ZNF514: variants seen among roughly 807,000 people sequenced by gnomAD.
The protein encoded by ZNF514 is zinc finger protein 514.
In ZNF514, 12 loss-of-function variants were observed where a neutral mutation model predicts 9.7. The observed-to-expected ratio is 1.24, with a 90% CI of 0.79 to 2.01. The LOEUF (loss-of-function observed/expected upper bound fraction) is 2.01. Ranked by LOEUF, ZNF514 falls within the 30% of genes most tolerant of loss-of-function variation. ZNF514 has a pLI of 0.00. For missense variants in ZNF514, 467 were observed against 465.5 expected (o/e 1.00, Z -0.03); for synonymous variants, 158 against 163.7 (o/e 0.97, Z 0.27).
chr2:95,127,394 A>G, the ZNF514 span, among the ~76,000 whole-genome samples: 1 of 152,146 alleles, frequency 6.6e-6, no homozygotes, highest in Non-Finnish European at 1.5e-5. Context: ...TTTTATTTCC[A>G]GAAACACCAA....
the ZNF514 span, among the ~76,000 whole-genome samples, chr2:95,125,121 C>G: frequency 6.6e-6 from 1 of 151,850 alleles, no homozygotes; most frequent in Non-Finnish European, 1.5e-5. Context: ...TCAAGCGATC[C>G]GCCCACCTCA....
At chr2:95,135,414 T>G in the ZNF514 span, among the ~76,000 whole-genome samples, 4 of 151,096 alleles carry the variant, frequency 2.6e-5, no homozygotes, top group African/African-American at 7.3e-5. Flanking sequence ...TCCTTCGTTC[T>G]TTCTTTTTTT....
chr2:95,144,083 C>A (rs909598591), downstream of ZNF514, among the ~76,000 whole-genome samples: 2 of 152,184 alleles, frequency 1.3e-5, no homozygotes, highest in Non-Finnish European at 2.9e-5. Flanking sequence ...CTGGTCAGGG[C>A]AGCGGTCCCA....
chr2:95,157,480 C>T (rs1321708134), intron 1 of ZNF514, 41 bp from the exon 2 acceptor site: 2 of 1,165,844 alleles, frequency 1.7e-6, no homozygotes, highest in African/African-American at 3.2e-5. Flanking sequence ...CTGACCCAGC[C>T]AGCACACACA....
downstream of ZNF514, among the ~76,000 whole-genome samples, chr2:95,143,411 A>G (rs1257346952): frequency 2.0e-5 from 3 of 152,168 alleles, no homozygotes; most frequent in African/African-American, 7.2e-5. Context: ...ACCTGAGGTC[A>G]GGAGTTCAAG....
chr2:95,151,699 CAG>C (rs1673550822), intron 4 of ZNF514, among the ~76,000 whole-genome samples: 1 of 152,194 alleles, frequency 6.6e-6, no homozygotes, highest in Non-Finnish European at 1.5e-5. Context: ...AGAGGCCAGT[CAG>C]AGAGTTTCTG....
At chr2:95,133,890 T>C in the ZNF514 span, among the ~76,000 whole-genome samples, 1 of 152,290 alleles carries the variant, frequency 6.6e-6, no homozygotes, top group South Asian at 2.1e-4. Context: ...CTTAACTGTA[T>C]CCATGTCAAT....
the ZNF514 span, among the ~76,000 whole-genome samples, chr2:95,124,030 C>T: frequency 6.6e-6 from 1 of 152,276 alleles, no homozygotes; most frequent in Admixed American, 6.5e-5. Flanking sequence ...GACATCGGTA[C>T]AATCCATAGA....
At chr2:95,140,587 C>T (rs770088765), downstream of ZNF514, among the ~76,000 whole-genome samples, 21 of 151,598 alleles carry the variant, frequency 1.4e-4, no homozygotes, top group Non-Finnish European at 4.4e-5. Flanking sequence ...CACTCCAACC[C>T]GGTTGACGGA....
rs1223096529 is a variant in ZNF514 at position 95,150,208 on chromosome 2, C to A, written c.277G>T (p.Glu93Ter). The change falls in exon 5 of 5, where the codon GAA (glutamate) becomes TAA (stop). Residue 93 changes from glutamate (E) to a stop codon, truncating the protein, a stop_gained. Transcript: ENST00000295208. LOFTEE classifies it low-confidence loss of function (END_TRUNC). ...TCCACTGATACTACCTGGAATAATT[C>A]TTCTTTGGAAATTCCCCAACTTGGC... The part of the protein sequence containing the change: ...SMPSWGISKE[E>*]LFQVVSVEKH... 1.9e-6 allele frequency: 3 copies of A among 1,589,370 alleles called. No individual in the cohort carries two copies. The South Asian group carries it at 3.3e-5, about 18-fold the overall frequency.
rs762567717 is a variant in ZNF514, at chr2:95,149,775, C to T, written c.710G>A (p.Cys237Tyr). 160 of 1,614,138 alleles carry T rather than the reference C, an allele frequency of 9.9e-5. No individual in the cohort carries two copies. The highest frequency in any genetic ancestry group is 1.3e-4 in the Non-Finnish European group (156 of 1,180,054). The change falls in exon 5 of 5, where the codon TGT becomes TAT. Residue 237 changes from cysteine (C) to tyrosine (Y), a missense_variant. Coordinates refer to ENST00000295208, the MANE Select transcript of ZNF514 (RefSeq NM_032788.3). The part of the protein sequence containing the change: ...TGEKPYECSD[C>Y]GRAFGHISSL... The stretch of plus-strand genomic sequence containing the variant: ...TGAAATATGACCAAAGGCTCTTCCA[C>T]AGTCACTGCATTCATACGGCTTTTC...
chr2:95,159,277 C>CGG lies in ZNF514; in HGVS notation c.-134_-133insCC. 6.1e-6 allele frequency: 1 copy of CGG among 164,418 alleles called. No individual in the cohort carries two copies. Among genetic ancestry groups the CGG allele is most frequent in the Non-Finnish European group, 1.3e-5 (1 of 75,722 alleles). The allele number at this position is 164,418 out of a possible 1,614,324, so 10.2% of individuals were successfully genotyped here. On this transcript the variant is annotated 5_prime_UTR_variant, in exon 1 of 5. Transcript: ENST00000295208. Reference sequence around the variant, plus strand: ...TCCTCCTCAGGACCAGGCTCTGGAACCCAGCTCCCACGTGGATCCACACGC... The same window carrying CGG: ...TCCTCCTCAGGACCAGGCTCTGGAACGGCCAGCTCCCACGTGGATCCACACGC...
intron 2 of ZNF514, 57 bp downstream of exon 2, chr2:95,157,294 G>A: frequency 8.6e-7 from 1 of 1,156,362 alleles, no homozygotes; most frequent in South Asian, 1.3e-5. Context: ...TTGGTGAAAA[G>A]TAGGCAAAGC....
the ZNF514 span, among the ~76,000 whole-genome samples, chr2:95,125,020 G>C: frequency 6.8e-6 from 1 of 147,484 alleles, no homozygotes; most frequent in African/African-American, 2.5e-5. Flanking sequence ...TAGCTAGGTA[G>C]AGGCCTGTGC....
chr2:95,149,202 A>T lies in ZNF514; in HGVS notation c.*80T>A. On this transcript the variant is annotated 3_prime_UTR_variant, in exon 5 of 5. Coordinates refer to ENST00000295208, the MANE Select transcript of ZNF514 (RefSeq NM_032788.3). ...GTCTTCCCACATACATTACACCTTTAGGATCTCTCTCTGATATGAATTCTT... is the reference window on the plus strand; with the variant it reads ...GTCTTCCCACATACATTACACCTTTTGGATCTCTCTCTGATATGAATTCTT... The T allele has an allele frequency of 6.8e-7, 1 of 1,475,800 alleles. No individual in the cohort carries two copies. Among genetic ancestry groups the T allele is most frequent in the Non-Finnish European group, 9.1e-7 (1 of 1,102,396 alleles). The allele number at this position is 1,475,800 out of a possible 1,614,324, so 91.4% of individuals were successfully genotyped here. A position where few individuals can be genotyped will look rare whatever the true frequency, so the allele number is the denominator to read the frequency against.
the ZNF514 span, among the ~76,000 whole-genome samples, chr2:95,135,944 G>A: frequency 6.6e-6 from 1 of 151,560 alleles, no homozygotes; most frequent in African/African-American, 2.4e-5. Context: ...GTGGCCTGTA[G>A]TCCCAGCTAC....
At chr2:95,150,331 A>C in intron 4 of ZNF514, 64 bp from the exon 5 acceptor site, 1 of 1,465,212 alleles carries the variant, frequency 6.8e-7, no homozygotes, top group Non-Finnish European at 9.0e-7. Flanking sequence ...TGTAGCAAGA[A>C]AAGCAAGCTC....
downstream of ZNF514, among the ~76,000 whole-genome samples, chr2:95,140,931 C>G (rs1464526735): frequency 1.3e-5 from 2 of 151,104 alleles, no homozygotes; most frequent in African/African-American, 4.9e-5. Context: ...GCCGAGATCA[C>G]GCCACTGCAC....
chr2:95,128,647 A>G, the ZNF514 span, among the ~76,000 whole-genome samples: 1 of 150,872 alleles, frequency 6.6e-6, no homozygotes, highest in Non-Finnish European at 1.5e-5. Context: ...GAAGAAAGAA[A>G]AAGGAGGAGG....
Sources: gnomAD v4.1 joint callset for allele counts (sites outside exome capture counted in the v4.1 genomes callset) on GRCh38, gnomAD v4.1.1 for gene constraint, MANE v1.5 for transcripts, NCBI Gene and HGNC (gene_info 2026-07-23, HGNC 2026-07-21) for gene names.